Variants in AGO3 observed in about 807,000 individuals in gnomAD.
AGO3 encodes protein argonaute-3.
In AGO3, 16 loss-of-function variants were observed where a neutral mutation model predicts 105.5. The observed-to-expected ratio is 0.15, with a 90% CI of 0.10 to 0.23. AGO3 has a LOEUF of 0.23. Ranked by LOEUF, AGO3 falls within the 10% of genes least tolerant of loss-of-function variation. The pLI is 1.00. For missense variants in AGO3, 534 were observed against 1,088.0 expected (o/e 0.49, Z 7.16); for synonymous variants, 340 against 367.3 (o/e 0.93, Z 0.85).
chr1:36,056,035 C>CT lies in AGO3; in HGVS notation c.*293dup. 1 of 229,586 alleles carries CT rather than the reference C, an allele frequency of 4.4e-6. No individual in the cohort carries two copies. 14.2% of individuals were successfully genotyped at this position (229,586 alleles called of 1,614,324 possible). A position where few individuals can be genotyped will look rare whatever the true frequency, so the allele number is the denominator to read the frequency against. On this transcript the variant is annotated 3_prime_UTR_variant, in exon 19 of 19. Coordinates refer to ENST00000373191, the MANE Select transcript of AGO3 (RefSeq NM_024852.4). ...TCTTGTAGTCTAACCCTTTTAATGC[C>CT]TTTACCTCAAGTTGCTTGGCAGCAC...
Position 36,020,926 on chromosome 1 carries a change from CTTTA to C in AGO3, c.1407-6167_1407-6164del, listed in dbSNP as rs1035926827. ...GCCACTTGCACCCAGCCTGCCATTA[CTTTA>C]TTTATTTATTTATTTATTTAGAGAC... On this transcript the variant is annotated intron_variant, in intron 11 of 18. Transcript: ENST00000373191. 5.3e-5 allele frequency among the ~76,000 whole-genome samples: 8 copies of C among 151,532 alleles called. No homozygotes were observed. The East Asian group carries it at 5.8e-4, about 11-fold the overall frequency.
At chr1:36,031,120 T>G (rs1364554302) in intron 12 of AGO3, among the ~76,000 whole-genome samples, 2 of 152,158 alleles carry the variant, frequency 1.3e-5, no homozygotes, top group Non-Finnish European at 2.9e-5. Flanking sequence ...ATACAAGATT[T>G]TATTTTACCT....
chr1:35,989,177 G>C lies in AGO3; in HGVS notation c.659-15164G>C, dbSNP rs1647383356. Among the ~76,000 whole-genome samples the C allele has an allele frequency of 2.0e-5, 3 of 152,216 alleles. No individual in the cohort carries two copies. The South Asian group carries it at 6.2e-4, about 31-fold the overall frequency. On this transcript the variant is annotated intron_variant, in intron 5 of 18. Transcript: ENST00000373191. The stretch of plus-strand genomic sequence containing the variant: ...GGGATGTTTCCCTCAGGAAATGACA[G>C]ATGGGAGCTAGGCGAAATTGGTGAT...
At chr1:35,990,199 T>C (rs1269034725) in intron 5 of AGO3, among the ~76,000 whole-genome samples, 1 of 152,132 alleles carries the variant, frequency 6.6e-6, no homozygotes, top group Non-Finnish European at 1.5e-5. Flanking sequence ...TCTCAGATCT[T>C]AGACACATTA....
chr1:36,043,661 C>A, intron 17 of AGO3, 113 bp downstream of exon 17: 1 of 896,030 alleles, frequency 1.1e-6, no homozygotes, highest in South Asian at 1.9e-5. Context: ...CAAATTGTTT[C>A]CACATGAAAT....
chr1:35,970,263 A>G (rs1393139417), intron 3 of AGO3, among the ~76,000 whole-genome samples: 4 of 152,250 alleles, frequency 2.6e-5, no homozygotes, highest in African/African-American at 9.6e-5. Context: ...AAAACGGACA[A>G]TAAAAACATA....
chr1:35,957,790 G>A (rs1646598465), intron 2 of AGO3, among the ~76,000 whole-genome samples: 1 of 152,180 alleles, frequency 6.6e-6, no homozygotes, highest in African/African-American at 2.4e-5. Flanking sequence ...GCCAAGTGCA[G>A]TGGCACATGT....
chr1:36,037,121 A>T (rs900555690), intron 14 of AGO3, among the ~76,000 whole-genome samples: 11 of 152,246 alleles, frequency 7.2e-5, no homozygotes, highest in Non-Finnish European at 1.5e-4. Flanking sequence ...AAAGCTTGAT[A>T]ATATTTTACC....
intron 5 of AGO3, chr1:35,982,622 A>G (rs1313157348): frequency 1.4e-6 from 1 of 717,696 alleles, no homozygotes; most frequent in South Asian, 1.5e-5. Flanking sequence ...GTTTTCCAGA[A>G]AGAGACCTCT....
intron 17 of AGO3, among the ~76,000 whole-genome samples, chr1:36,048,159 A>C (rs1356375953): frequency 6.6e-6 from 1 of 152,138 alleles, no homozygotes; most frequent in Non-Finnish European, 1.5e-5. Context: ...GGCTGAAAAA[A>C]AAAATTGTCA....
chr1:35,981,983 C>T (rs891789756), intron 5 of AGO3, among the ~76,000 whole-genome samples: 9 of 152,250 alleles, frequency 5.9e-5, no homozygotes, highest in Admixed American at 4.6e-4. Context: ...TTTATTATCC[C>T]CTAGTTTCAC....
chr1:36,037,035 T>A (rs891789777), intron 14 of AGO3, among the ~76,000 whole-genome samples: 1 of 151,186 alleles, frequency 6.6e-6, no homozygotes, highest in Non-Finnish European at 1.5e-5. Flanking sequence ...GTTTTTAACA[T>A]CTGCCTGTTA....
At position 36,036,274 on chromosome 1, in the gene AGO3, G is replaced by A. The variant is rs749227980; in HGVS notation, c.1842+7G>A. On this transcript the variant is annotated splice_region_variant and intron_variant, in intron 14 of 18. Coordinates refer to ENST00000373191, the MANE Select transcript of AGO3 (RefSeq NM_024852.4). The stretch of plus-strand genomic sequence containing the variant: ...GAAGCCTTCTATTGCTGCTGTGAGT[G>A]TTAGCCAGGTTTATCTTACCTAAGG... 6.2e-7 allele frequency: 1 copy of A among 1,612,918 alleles called. No individual in the cohort carries two copies. Among genetic ancestry groups the A allele is most frequent in the Non-Finnish European group, 8.5e-7 (1 of 1,178,938 alleles).
At chr1:35,942,302 A>G (rs185839637) in intron 1 of AGO3, among the ~76,000 whole-genome samples, 22 of 152,318 alleles carry the variant, frequency 1.4e-4, no homozygotes, top group Admixed American at 9.2e-4. Flanking sequence ...ACATTTTGTT[A>G]GGATTTTTGC....
chr1:35,931,105 A>T lies in AGO3; in HGVS notation c.-322A>T. On this transcript the variant is annotated 5_prime_UTR_variant, in exon 1 of 19. Coordinates refer to ENST00000373191, the MANE Select transcript of AGO3 (RefSeq NM_024852.4). ...GCGAGCTTCCGGGGCGGCCCCGGGC[A>T]GGTCGGCGGCGGCGGCCCGCAGTCG... is the stretch of plus-strand genomic sequence containing the variant. The T allele has an allele frequency of 3.8e-6, 1 of 263,206 alleles. No homozygotes were observed. The highest frequency in any genetic ancestry group is 2.3e-5 in the African/African-American group (1 of 43,436). The allele number at this position is 263,206 out of a possible 1,614,324, so 16.3% of individuals were successfully genotyped here.
chr1:35,937,536 C>A (rs1476158715), intron 1 of AGO3, among the ~76,000 whole-genome samples: 1 of 151,176 alleles, frequency 6.6e-6, no homozygotes, highest in Non-Finnish European at 1.5e-5. Flanking sequence ...ATTAAAAATA[C>A]AAAAATTAGC....
rs1438253035 is a variant in AGO3, at chr1:36,019,199, A to G, written c.1406+5151A>G. Among the ~76,000 whole-genome samples, 12 of 152,318 alleles carry G rather than the reference A, an allele frequency of 7.9e-5. No individual in the cohort carries two copies. The East Asian group carries it at 2.3e-3, about 29-fold the overall frequency. On this transcript the variant is annotated intron_variant, in intron 11 of 18. Transcript: ENST00000373191. ...TTACCTGGTGAAAATACACTTTGGC[A>G]TAATACATTACAGCCTTGCAGCATT...
chr1:35,957,618 C>T (rs1369521094), intron 2 of AGO3, among the ~76,000 whole-genome samples: 1 of 149,138 alleles, frequency 6.7e-6, no homozygotes, highest in Non-Finnish European at 1.5e-5. Flanking sequence ...CCCAGCTACT[C>T]GGGAGGCTGA....
At chr1:36,003,492 C>G (rs972948384) in intron 5 of AGO3, among the ~76,000 whole-genome samples, 1 of 150,706 alleles carries the variant, frequency 6.6e-6, no homozygotes, top group African/African-American at 2.4e-5. Flanking sequence ...GTCAGGAGTT[C>G]AAGACCAGCC....
Sources: allele counts gnomAD v4.1 joint callset (sites outside exome capture counted in the v4.1 genomes callset), GRCh38; gene constraint gnomAD v4.1.1; transcripts MANE v1.5; gene names NCBI Gene and HGNC (gene_info 2026-07-23, HGNC 2026-07-21).